The following LTN1 variants were observed in gnomAD, a reference collection of about 807,000 sequenced individuals.
The protein encoded by LTN1 is E3 ubiquitin-protein ligase listerin.
In LTN1, 88 loss-of-function variants were observed where a neutral mutation model predicts 201.2. That is an observed-to-expected ratio of 0.44 (90% CI 0.37 to 0.52). The LOEUF (loss-of-function observed/expected upper bound fraction) is 0.52. Among genes scored for constraint, LTN1 ranks in the 20% least tolerant of loss-of-function variants. The pLI is 0.00. For missense variants in LTN1, 1,752 were observed against 2,038.7 expected, an observed-to-expected ratio of 0.86 and a Z score of 2.71; for synonymous variants, 645 against 713.5, an observed-to-expected ratio of 0.90 and a Z score of 1.53.
Position 28,946,277 on chromosome 21 carries a change from T to C in LTN1, c.3498A>G (p.Gly1166=). 6.4e-7 allele frequency: 1 copy of C among 1,564,240 alleles called. No homozygotes were observed. The highest frequency in any genetic ancestry group is 1.2e-5 in the South Asian group (1 of 81,540). Residue 1166 remains glycine (G), a synonymous_variant, in exon 20 of 30, where the codon GGA becomes GGG. Coordinates refer to ENST00000361371, the MANE Select transcript of LTN1 (RefSeq NM_015565.3). ...KDLCSTNGGF[G]HLAIFNSCLQ... ...GACAAGAATTGAAAATGGCAAGATG[T>C]CCAAAACCTCCTAAAGTAAAATTCA...
chr21:28,979,090 T>C (rs2084638967), intron 6 of LTN1, among the ~76,000 whole-genome samples: 1 of 152,226 alleles, frequency 6.6e-6, no homozygotes, highest in African/African-American at 2.4e-5. Context: ...TAAGGTTATG[T>C]AGTAGCAGCT....
intron 27 of LTN1, 23 bp downstream of exon 27, chr21:28,935,086 G>T: frequency 6.7e-7 from 1 of 1,498,064 alleles, no homozygotes; most frequent in South Asian, 1.1e-5. Flanking sequence ...AACTTTTCTA[G>T]AGAAAGTCAA....
intron 1 of LTN1, 30 bp downstream of exon 1, chr21:28,992,734 C>G: frequency 6.2e-7 from 1 of 1,613,292 alleles, no homozygotes; most frequent in Non-Finnish European, 8.5e-7. Flanking sequence ...AAGCGAGGCT[C>G]CCGGGTCGGC....
intron 25 of LTN1, among the ~76,000 whole-genome samples, chr21:28,937,093 C>T (rs1196426079): frequency 1.3e-5 from 2 of 152,122 alleles, no homozygotes; most frequent in Non-Finnish European, 2.9e-5. Flanking sequence ...ACTAGTGGTC[C>T]AAAATGTCAT....
At chr21:28,956,724 A>G (rs534400812) in intron 16 of LTN1, 38 bp downstream of exon 16, 1 of 1,027,114 alleles carries the variant, frequency 9.7e-7, no homozygotes, top group South Asian at 2.2e-5. Flanking sequence ...ATATTCATTC[A>G]TGCATTATGT....
chr21:28,991,603 G>A (rs949968704), intron 1 of LTN1, among the ~76,000 whole-genome samples: 26 of 152,168 alleles, frequency 1.7e-4, no homozygotes, highest in Admixed American at 8.5e-4. Context: ...ATGGGATGTC[G>A]TTCTAATATT....
At chr21:28,965,242 T>G (rs929040697) in intron 11 of LTN1, among the ~76,000 whole-genome samples, 1 of 151,982 alleles carries the variant, frequency 6.6e-6, no homozygotes, top group Admixed American at 6.6e-5. Flanking sequence ...TAAAAAGGAG[T>G]AAGAATTTCA....
Position 28,986,542 on chromosome 21 carries a change from G to GT in LTN1, c.246+188dup. On this transcript the variant is annotated intron_variant, in intron 2 of 29. Transcript: ENST00000361371. The surrounding 1 kb of genome is among the most constrained non-coding windows in gnomAD (Gnocchi z 4.1). ...CCAAAGCACTTTAAAAAAGTTCACT[G>GT]TAACAAACTAATTTACGACCTAGAA... 1 of 656,622 alleles carries GT rather than the reference G, an allele frequency of 1.5e-6. No individual in the cohort carries two copies. Among genetic ancestry groups the GT allele is most frequent in the Non-Finnish European group, 2.6e-6 (1 of 380,668 alleles). 40.7% of individuals were successfully genotyped at this position (656,622 alleles called of 1,614,324 possible).
chr21:28,940,427 TTCACCACTTAGG>T (rs1451135435), intron 25 of LTN1, among the ~76,000 whole-genome samples: 2 of 152,228 alleles, frequency 1.3e-5, no homozygotes. Flanking sequence ...TTCAGATATT[TTCACCACTTAGG>T]TAACAGTTTG....
chr21:28,988,896 CAG>C lies in LTN1; in HGVS notation c.43-1964_43-1963del, dbSNP rs1382453697. ...AGGAGAATTGCTTGAACCCAGGGGG[CAG>C]AGATTGCAGTGAGTCGAGATTGCGC... On this transcript the variant is annotated intron_variant, in intron 1 of 29. Coordinates refer to ENST00000361371, the MANE Select transcript of LTN1 (RefSeq NM_015565.3). 5.3e-5 allele frequency among the ~76,000 whole-genome samples: 8 copies of C among 151,138 alleles called. No homozygotes were observed. In the South Asian group the frequency reaches 6.3e-4, roughly 12 times the overall value.
chr21:28,957,383 T>C lies in LTN1; in HGVS notation c.2841A>G (p.Val947=), dbSNP rs1276151727. 6.2e-7 allele frequency: 1 copy of C among 1,607,226 alleles called. No individual in the cohort carries two copies. The highest frequency in any genetic ancestry group is 8.5e-7 in the Non-Finnish European group (1 of 1,177,656). Reference sequence around the variant, plus strand: ...TTTCCCATTCACTGTCGTTCGGCATTACACTTCCAATATAAACTCCCATAA... The same window carrying C: ...TTTCCCATTCACTGTCGTTCGGCATCACACTTCCAATATAAACTCCCATAA... ...SYLMGVYIGS[V]MPNDSEWEKM... Residue 947 remains valine (V), a synonymous_variant, in exon 15 of 30, where the codon GTA becomes GTG. Transcript: ENST00000361371.
chr21:28,986,877 C>T lies in LTN1; in HGVS notation c.100G>A (p.Gly34Arg), dbSNP rs2084702450. 6.2e-7 allele frequency: 1 copy of T among 1,614,102 alleles called. No individual in the cohort carries two copies. The highest frequency in any genetic ancestry group is 8.5e-7 in the Non-Finnish European group (1 of 1,180,008). The stretch of plus-strand genomic sequence containing the variant: ...TGAGATGTTCCAAAACCAATAAATC[C>T]AGGCACTGTTCCCTGTTCTTTGGCA... ...LLAKEQGTVP[G>R]FIGFGTSQSD... The change falls in exon 2 of 30, where the codon GGA becomes AGA. Residue 34 changes from glycine to arginine, a missense_variant. Transcript: ENST00000361371. The surrounding 1 kb of genome is among the most constrained non-coding windows in gnomAD (Gnocchi z 4.1).
intron 1 of LTN1, among the ~76,000 whole-genome samples, chr21:28,987,168 T>C (rs1284433193): frequency 1.3e-5 from 2 of 152,208 alleles, no homozygotes; most frequent in Non-Finnish European, 2.9e-5. Flanking sequence ...GAATGTTTTG[T>C]AAACCATGGA....
intron 27 of LTN1, among the ~76,000 whole-genome samples, chr21:28,933,958 G>A (rs1400643445): frequency 7.2e-5 from 11 of 152,124 alleles, no homozygotes; most frequent in Admixed American, 2.6e-4. Context: ...TTACAGGCGT[G>A]AGCCACCACA....
At chr21:28,932,896 T>TA (rs1369710019) in intron 27 of LTN1, among the ~76,000 whole-genome samples, 2 of 152,168 alleles carry the variant, frequency 1.3e-5, no homozygotes, top group East Asian at 3.8e-4. Flanking sequence ...TAATTGCTCA[T>TA]AAAAAAGGTT....
At chr21:28,935,647 T>C (rs1049919324) in intron 26 of LTN1, among the ~76,000 whole-genome samples, 1 of 152,058 alleles carries the variant, frequency 6.6e-6, no homozygotes, top group Non-Finnish European at 1.5e-5. Flanking sequence ...AAGACCATCC[T>C]GGCTAAAACG....
chr21:28,942,288 C>T (rs1319163293), intron 24 of LTN1, among the ~76,000 whole-genome samples: 1 of 152,160 alleles, frequency 6.6e-6, no homozygotes, highest in Non-Finnish European at 1.5e-5. Context: ...TTTCACATTG[C>T]CCTCCATGCA....
rs1369423644 is a variant in LTN1, at chr21:28,943,319, G to A, written c.4238C>T (p.Pro1413Leu). Residue 1413 changes from proline to leucine, a missense_variant, in exon 24 of 30, where the codon CCA (proline) becomes CTA (leucine). Transcript: ENST00000361371. Reference protein sequence around the residue: ...HMLYKLMPELPQYDQDNLKSY... With the variant: ...HMLYKLMPELLQYDQDNLKSY... Reference sequence around the variant, plus strand: ...CTTTAGATTATCCTGATCATACTGTGGTAATTCAGGCATCAATCTAGAAAT... The same window carrying A: ...CTTTAGATTATCCTGATCATACTGTAGTAATTCAGGCATCAATCTAGAAAT... 1.9e-6 allele frequency: 3 copies of A among 1,591,120 alleles called. No homozygotes were observed. The highest frequency in any genetic ancestry group is 2.2e-5 in the East Asian group (1 of 44,566).
chr21:28,959,309 G>C (rs1369722449), intron 13 of LTN1, 149 bp downstream of exon 13: 1 of 856,334 alleles, frequency 1.2e-6, no homozygotes, highest in Non-Finnish European at 1.8e-6. Flanking sequence ...TTCTAGAGCT[G>C]AAAGTGTTTA....
Sources: allele counts gnomAD v4.1 joint callset (sites outside exome capture counted in the v4.1 genomes callset), GRCh38; gene constraint gnomAD v4.1.1; non-coding constraint Gnocchi (gnomAD v3.1); transcripts MANE v1.5; gene names NCBI Gene and HGNC (gene_info 2026-07-23, HGNC 2026-07-21).